GNAQ: variants seen among roughly 807,000 people sequenced by gnomAD.
The protein encoded by GNAQ is G protein subunit alpha q.
Under a neutral mutation model 43.9 loss-of-function variants are expected in GNAQ, and 8 were observed. That is an observed-to-expected ratio of 0.18 (90% confidence interval 0.11 to 0.33). The LOEUF (loss-of-function observed/expected upper bound fraction) is 0.33. GNAQ is among the 10% of genes least tolerant of loss of function. The pLI is 1.00. For missense variants in GNAQ, 158 were observed against 450.8 expected (o/e 0.35, Z 5.88); for synonymous variants, 155 against 170.7 (o/e 0.91, Z 0.71).
At position 77,899,668 on chromosome 9, in the gene GNAQ, G is replaced by C. The variant is rs185031456; in HGVS notation, c.321+22493C>G. Among the ~76,000 whole-genome samples the C allele has an allele frequency of 9.9e-4, 150 of 152,234 alleles. No homozygotes were observed. The Middle Eastern group carries it at 0.01, about 10-fold the overall frequency. ...GAAGAGGTGGGTGGCACGTGCAAAG[G>C]CAGTGCAGGAGGAAAGACAGCAGAG... On this transcript the variant is annotated intron_variant, in intron 2 of 6. Coordinates refer to ENST00000286548, the MANE Select transcript of GNAQ (RefSeq NM_002072.5).
chr9:77,717,809 A>G lies in GNAQ; in HGVS notation c.*3514T>C. 4.3e-6 allele frequency: 1 copy of G among 232,344 alleles called. No individual in the cohort carries two copies. Among genetic ancestry groups the G allele is most frequent in the Non-Finnish European group, 8.5e-6 (1 of 117,578 alleles). 14.4% of individuals were successfully genotyped at this position (232,344 alleles called of 1,614,324 possible). On this transcript the variant is annotated 3_prime_UTR_variant, in exon 7 of 7. Transcript: ENST00000286548. ...TCATCTGCTAGTAAACAACATATGC[A>G]GGTTCTTAAAATTTTTTTTTCCAGT...
At chr9:77,851,450 G>T (rs991102612) in intron 2 of GNAQ, among the ~76,000 whole-genome samples, 1 of 152,216 alleles carries the variant, frequency 6.6e-6, no homozygotes, top group Non-Finnish European at 1.5e-5. Context: ...TGTGGCTCCT[G>T]AGAAAGTAGA....
At chr9:77,724,770 A>G (rs760076788) in intron 6 of GNAQ, among the ~76,000 whole-genome samples, 1 of 152,222 alleles carries the variant, frequency 6.6e-6, no homozygotes, top group Non-Finnish European at 1.5e-5. Flanking sequence ...TGAATTTTTG[A>G]TGTAGGTGCC....
intron 2 of GNAQ, among the ~76,000 whole-genome samples, chr9:77,884,826 G>T (rs1373948105): frequency 6.6e-6 from 1 of 152,226 alleles, no homozygotes; most frequent in Non-Finnish European, 1.5e-5. Flanking sequence ...CAAGGGCACT[G>T]TGAGTTAAGA....
chr9:77,962,201 C>A (rs1823114877), intron 1 of GNAQ, among the ~76,000 whole-genome samples: 1 of 151,998 alleles, frequency 6.6e-6, no homozygotes, highest in African/African-American at 2.4e-5. Context: ...ATCTAATATA[C>A]TTGGAATTTG....
intron 5 of GNAQ, among the ~76,000 whole-genome samples, chr9:77,735,777 T>C (rs1052730993): frequency 1.3e-5 from 2 of 152,162 alleles, no homozygotes; most frequent in Non-Finnish European, 2.9e-5. Flanking sequence ...TACGCTGACA[T>C]GGCAATGTGG....
At chr9:77,933,208 C>T (rs1213559905) in intron 1 of GNAQ, among the ~76,000 whole-genome samples, 1 of 152,220 alleles carries the variant, frequency 6.6e-6, no homozygotes, top group Non-Finnish European at 1.5e-5. Flanking sequence ...ACAGACATGA[C>T]TGACCGTCTT....
At chr9:77,785,422 T>C (rs1826459917) in intron 5 of GNAQ, among the ~76,000 whole-genome samples, 1 of 152,212 alleles carries the variant, frequency 6.6e-6, no homozygotes, top group Non-Finnish European at 1.5e-5. Context: ...GTTTCTGTTG[T>C]AACCCACAGT....
chr9:77,848,439 C>G (rs1827620542), intron 2 of GNAQ, among the ~76,000 whole-genome samples: 1 of 152,260 alleles, frequency 6.6e-6, no homozygotes, highest in South Asian at 2.1e-4. Context: ...GTGCAACTCT[C>G]TTAACAAGCA....
Position 77,828,213 on chromosome 9 carries a change from T to C in GNAQ, c.322-12443A>G, listed in dbSNP as rs190160237. On this transcript the variant is annotated intron_variant, in intron 2 of 6. Transcript: ENST00000286548. ...TTATCATTTCATGAAAATGTTCTTCTCTTTTATTTTCTATTCATTAATAGC... is the reference window on the plus strand; with the variant it reads ...TTATCATTTCATGAAAATGTTCTTCCCTTTTATTTTCTATTCATTAATAGC... Among the ~76,000 whole-genome samples, 853 of 151,664 alleles carry C rather than the reference T, an allele frequency of 5.6e-3. 1 individual carries two copies. Among genetic ancestry groups the C allele is most frequent in the African/African-American group, 0.02 (806 of 41,052 alleles).
intron 5 of GNAQ, among the ~76,000 whole-genome samples, chr9:77,786,997 G>A (rs550049978): frequency 2.1e-4 from 32 of 152,242 alleles, no homozygotes; most frequent in African/African-American, 5.8e-4. Context: ...AATACTACAC[G>A]ACAGTATAAA....
chr9:77,850,583 G>A (rs541376462), intron 2 of GNAQ, among the ~76,000 whole-genome samples: 2 of 152,062 alleles, frequency 1.3e-5, no homozygotes, highest in South Asian at 2.1e-4. Flanking sequence ...AGCTCCACAC[G>A]ATTTACAGGA....
At chr9:77,905,934 G>T (rs995573548) in intron 2 of GNAQ, among the ~76,000 whole-genome samples, 2 of 152,112 alleles carry the variant, frequency 1.3e-5, no homozygotes, top group African/African-American at 4.8e-5. Context: ...CTGTCAGGGG[G>T]TGGGAGACAA....
chr9:77,917,330 T>G (rs899376562), intron 2 of GNAQ, among the ~76,000 whole-genome samples: 1 of 151,242 alleles, frequency 6.6e-6, no homozygotes, highest in Non-Finnish European at 1.5e-5. Flanking sequence ...AAAGCAAAGA[T>G]CCATCAGAAA....
At chr9:77,807,360 A>G (rs912980400) in intron 3 of GNAQ, among the ~76,000 whole-genome samples, 1 of 152,176 alleles carries the variant, frequency 6.6e-6, no homozygotes, top group South Asian at 2.1e-4. Context: ...TCTCTGCTTC[A>G]ATTGATTGCT....
At chr9:77,998,408 C>T (rs1167380155) in intron 1 of GNAQ, among the ~76,000 whole-genome samples, 2 of 152,244 alleles carry the variant, frequency 1.3e-5, no homozygotes, top group East Asian at 3.8e-4. Context: ...TTGCCTAATG[C>T]TGAACAGCAC....
intron 5 of GNAQ, among the ~76,000 whole-genome samples, chr9:77,730,257 A>AC (rs1158723155): frequency 1.3e-5 from 2 of 152,174 alleles, no homozygotes; most frequent in Non-Finnish European, 2.9e-5. Flanking sequence ...CCAAACTTAT[A>AC]CAAGGAAGTG....
At chr9:77,733,376 G>A (rs1262603329) in intron 5 of GNAQ, among the ~76,000 whole-genome samples, 6 of 152,192 alleles carry the variant, frequency 3.9e-5, no homozygotes, top group Non-Finnish European at 4.4e-5. Context: ...CCTACAGGGT[G>A]AAGCTACAAA....
intron 5 of GNAQ, among the ~76,000 whole-genome samples, chr9:77,744,982 G>A (rs1043626880): frequency 6.6e-6 from 1 of 152,138 alleles, no homozygotes; most frequent in African/African-American, 2.4e-5. Flanking sequence ...TATGGTATCG[G>A]CAGTGAACCC....
Sources: gnomAD v4.1 joint callset for allele counts (sites outside exome capture counted in the v4.1 genomes callset) on GRCh38, gnomAD v4.1.1 for gene constraint, MANE v1.5 for transcripts, NCBI Gene and HGNC (gene_info 2026-07-23, HGNC 2026-07-21) for gene names.